The following TUBB8B variants were observed in gnomAD, a reference collection of about 807,000 sequenced individuals.
TUBB8B encodes HSA18p11 beta-tubulin 4Q pseudogene.
In TUBB8B, 26 loss-of-function variants were observed where a neutral mutation model predicts 31.9. The observed-to-expected ratio is 0.81, with a 90% CI of 0.60 to 1.13. TUBB8B has a LOEUF of 1.13. Ranked by LOEUF, TUBB8B falls within the 50% of genes most tolerant of loss-of-function variation. The pLI, the probability that TUBB8B is intolerant of heterozygous loss-of-function variation, is 0.00. For missense variants in TUBB8B, 467 were observed against 586.7 expected (o/e 0.80, Z 2.11); for synonymous variants, 173 against 231.0 (o/e 0.75, Z 2.28).
the TUBB8B span, among the ~76,000 whole-genome samples, chr18:64,545 G>A: frequency 2.0e-5 from 3 of 151,866 alleles, no homozygotes; most frequent in African/African-American, 7.3e-5. Flanking sequence ...TCAACATGGG[G>A]AAACCCCCAT....
chr18:72,953 G>A, the TUBB8B span, among the ~76,000 whole-genome samples: 1 of 152,102 alleles, frequency 6.6e-6, no homozygotes, highest in Non-Finnish European at 1.5e-5. Flanking sequence ...GGAAACGAGC[G>A]AAAGTCCGTC....
At chr18:56,451 G>A in the TUBB8B span, among the ~76,000 whole-genome samples, 3 of 151,738 alleles carry the variant, frequency 2.0e-5, no homozygotes, top group African/African-American at 4.8e-5. Flanking sequence ...TCCAATATGT[G>A]AACATAGAAA....
the TUBB8B span, among the ~76,000 whole-genome samples, chr18:65,510 T>A: frequency 6.6e-6 from 1 of 152,138 alleles, no homozygotes; most frequent in Admixed American, 6.6e-5. Flanking sequence ...GGAAGTACTT[T>A]AAACAAAGTC....
the TUBB8B span, among the ~76,000 whole-genome samples, chr18:71,815 G>A: frequency 1.3e-4 from 20 of 151,904 alleles, no homozygotes; most frequent in Non-Finnish European, 2.5e-4. Flanking sequence ...CCCGGGAGGC[G>A]GAGGTTGCAG....
chr18:73,074 G>A, the TUBB8B span, among the ~76,000 whole-genome samples: 1 of 152,068 alleles, frequency 6.6e-6, no homozygotes, highest in African/African-American at 2.4e-5. Flanking sequence ...GCCCGACGGC[G>A]TCTCCGCGTT....
chr18:51,738 G>A (rs1906116032), upstream of TUBB8B, among the ~76,000 whole-genome samples: 1 of 151,580 alleles, frequency 6.6e-6, no homozygotes, highest in Admixed American at 6.6e-5. Context: ...ATAAAGGGGA[G>A]TTTCCCTACA....
At chr18:50,225 G>C (rs1481828325), upstream of TUBB8B, 3 of 192,778 alleles carry the variant, frequency 1.6e-5, no homozygotes, top group African/African-American at 7.1e-5. Flanking sequence ...GGTTACGCCT[G>C]CTGTGAAAGA....
At position 47,735 on chromosome 18, in the gene TUBB8B, C is replaced by G. The variant is rs773287538; in HGVS notation, c.990G>C (p.Met330Ile). The change falls in exon 4 of 4, where the codon ATG becomes ATC. Residue 330 changes from methionine (M) to isoleucine (I), a missense_variant. Transcript: ENST00000308911. Reference protein sequence around the residue: ...RMPMREVDEQMFNIQDKNSSY... With the variant: ...RMPMREVDEQIFNIQDKNSSY... Reference sequence around the variant, plus strand: ...TGCTGTTCTTATCTTGAATGTTGAACATTTGTTCATCCACCTCCCTCATGG... The same window carrying G: ...TGCTGTTCTTATCTTGAATGTTGAAGATTTGTTCATCCACCTCCCTCATGG... The G allele has an allele frequency of 1.9e-6, 3 of 1,611,002 alleles. No homozygotes were observed. Among genetic ancestry groups the G allele is most frequent in the Non-Finnish European group, 2.5e-6 (3 of 1,178,730 alleles).
chr18:48,207 G>A lies in TUBB8B; in HGVS notation c.518C>T (p.Pro173Leu), dbSNP rs1334614520. 82 of 1,609,174 alleles carry A rather than the reference G, an allele frequency of 5.1e-5. No individual in the cohort carries two copies. The highest frequency in any genetic ancestry group is 6.6e-5 in the Non-Finnish European group (77 of 1,175,540). The change falls in exon 4 of 4, where the codon CCC becomes CTC. Residue 173 changes from proline to leucine, a missense_variant. Transcript: ENST00000308911. ...CTCCACCACGGTGTCCGACACCTTG[G>A]GCGAGGGCAGGATGCTGAATGTGTT... ...IINTFSILPSPKVSDTVVEPY... is the reference protein window; with the variant it reads ...IINTFSILPSLKVSDTVVEPY...
upstream of TUBB8B, among the ~76,000 whole-genome samples, chr18:54,288 G>A (rs1174374086): frequency 6.6e-6 from 1 of 151,422 alleles, no homozygotes; most frequent in Admixed American, 6.6e-5. Context: ...ATATTTATGG[G>A]GGTACATGAC....
chr18:72,491 G>A, the TUBB8B span, among the ~76,000 whole-genome samples: 9 of 152,284 alleles, frequency 5.9e-5, no homozygotes, highest in East Asian at 1.5e-3. Flanking sequence ...TTGTTGACGA[G>A]TTCACTTCCA....
rs750811826 is a variant in TUBB8B, at chr18:48,238, T to C, written c.487A>G (p.Ile163Val). ...SKIREEYPDR[I>V]INTFSILPSP... ...GGCAGGATGCTGAATGTGTTTATGATCCTGTCTGGGTACTCCTCCCGGATC... is the reference window on the plus strand; with the variant it reads ...GGCAGGATGCTGAATGTGTTTATGACCCTGTCTGGGTACTCCTCCCGGATC... Residue 163 changes from isoleucine to valine, a missense_variant, in exon 4 of 4, where the codon ATC (isoleucine) becomes GTC (valine). Ile to Val is a conservative substitution (Grantham distance 29). This residue lies in a region of TUBB8B where 259 missense variants were observed against 380.1 expected (regional missense o/e 0.68). Transcript: ENST00000308911. 110 of 1,612,110 alleles carry C rather than the reference T, an allele frequency of 6.8e-5. No homozygotes were observed. In the East Asian group the frequency reaches 2.4e-3, roughly 36 times the overall value.
chr18:72,196 A>AAAAAAAAAAAAAAAAAAAAAAAAAACAAC, the TUBB8B span, among the ~76,000 whole-genome samples: 4 of 84,524 alleles, frequency 4.7e-5, no homozygotes, highest in African/African-American at 7.9e-5. Context: ...AAAAAAAAAA[A>AAAAAAAAAAAAAAAAAAAAAAAAAACAAC]AAAGGAAAAA....
chr18:66,976 G>C, the TUBB8B span, among the ~76,000 whole-genome samples: 3 of 149,912 alleles, frequency 2.0e-5, no homozygotes, highest in African/African-American at 7.4e-5. Context: ...CCATGTACAA[G>C]TTATTTTCTT....
At chr18:71,569 TA>T in the TUBB8B span, among the ~76,000 whole-genome samples, 2,265 of 57,606 alleles carry the variant, frequency 0.039, 34 homozygotes, top group African/African-American at 0.057. Context: ...AAAAAAAATT[TA>T]AAAAAAAAAA....
chr18:49,293 G>C, intron 1 of TUBB8B, 56 bp from the exon 2 acceptor site: 1 of 1,480,188 alleles, frequency 6.8e-7, no homozygotes, highest in Non-Finnish European at 9.1e-7. Flanking sequence ...AGGCGCCCCA[G>C]CCGCTCTCCC....
the TUBB8B span, among the ~76,000 whole-genome samples, chr18:71,040 G>C: frequency 6.6e-6 from 1 of 151,926 alleles, no homozygotes; most frequent in South Asian, 2.1e-4. Flanking sequence ...TTGAGCCCAG[G>C]AGTTCAAGAC....
chr18:58,320 A>G, the TUBB8B span, among the ~76,000 whole-genome samples: 3 of 151,608 alleles, frequency 2.0e-5, no homozygotes, highest in Non-Finnish European at 4.4e-5. Flanking sequence ...ATAGATTACA[A>G]CTTACTTTTT....
At chr18:68,501 G>C in the TUBB8B span, among the ~76,000 whole-genome samples, 3 of 152,128 alleles carry the variant, frequency 2.0e-5, no homozygotes, top group South Asian at 6.2e-4. Context: ...AACGTTGGCA[G>C]ATAACTCCCA....
Sources: gnomAD v4.1 joint callset for allele counts (sites outside exome capture counted in the v4.1 genomes callset) on GRCh38, gnomAD v4.1.1 for gene constraint, gnomAD v4.1.1 regional missense constraint, MANE v1.5 for transcripts, NCBI Gene and HGNC (gene_info 2026-07-23, HGNC 2026-07-21) for gene names.